The following GPR176 variants were observed in gnomAD, a reference collection of about 807,000 sequenced individuals.
The protein encoded by GPR176 is G-protein coupled receptor 176.
Under a neutral mutation model 35.4 loss-of-function variants are expected in GPR176, and 26 were observed. The ratio of observed to expected loss-of-function variants is 0.74; its 90% CI spans 0.54 to 1.02. The LOEUF (loss-of-function observed/expected upper bound fraction) is 1.02, where lower values mean the gene tolerates loss of function less well. Among genes scored for constraint, GPR176 ranks in the 50% least tolerant of loss-of-function variants. The pLI is 0.00. For missense variants in GPR176, 597 were observed against 665.3 expected, an observed-to-expected ratio of 0.90 and a Z score of 1.13; for synonymous variants, 278 against 271.3, an observed-to-expected ratio of 1.02 and a Z score of -0.24.
At chr15:39,881,560 T>C (rs28547041) in intron 1 of GPR176, among the ~76,000 whole-genome samples, 1,541 of 152,334 alleles carry the variant, frequency 0.01, 27 homozygotes, top group African/African-American at 0.036. Context: ...ATGTTCTTAA[T>C]AATCATCACA....
intron 1 of GPR176, among the ~76,000 whole-genome samples, chr15:39,852,681 T>C (rs1389888466): frequency 6.6e-6 from 1 of 152,202 alleles, no homozygotes; most frequent in Non-Finnish European, 1.5e-5. Flanking sequence ...CATTTTTAAG[T>C]GTCAGATTTT....
intron 1 of GPR176, chr15:39,860,837 G>A (rs1401148831): frequency 1.3e-5 from 2 of 152,172 alleles, no homozygotes; most frequent in Non-Finnish European, 2.9e-5. Context: ...TGAAACGTAA[G>A]TTCCATTCTC....
At position 39,908,603 on chromosome 15, in the gene GPR176, A is replaced by C. The variant is rs1295047306; in HGVS notation, c.172+11252T>G. ...TGTAATTGGAAAACACAAGGGGTAGAATTAGGCTCAGGCCCTCCAGGGATA... is the reference window on the plus strand; with the variant it reads ...TGTAATTGGAAAACACAAGGGGTAGCATTAGGCTCAGGCCCTCCAGGGATA... On this transcript the variant is annotated intron_variant, in intron 1 of 2. Transcript: ENST00000561100. Among the ~76,000 whole-genome samples, 3 of 151,102 alleles carry C rather than the reference A, an allele frequency of 2.0e-5. No homozygotes were observed. The East Asian group carries it at 5.8e-4, about 29-fold the overall frequency.
Position 39,847,355 on chromosome 15 carries a change from T to C in GPR176, c.173-40097A>G, listed in dbSNP as rs1377530343. Among the ~76,000 whole-genome samples, 4 of 152,120 alleles carry C rather than the reference T, an allele frequency of 2.6e-5. No individual in the cohort carries two copies. In the East Asian group the frequency reaches 7.7e-4, roughly 29 times the overall value. ...TAACAGAGGGGATCAAGAAATGTGA[T>C]CCAACTACACGCTATCTCCAAGAGA... On this transcript the variant is annotated intron_variant, in intron 1 of 2. Coordinates refer to ENST00000561100, the MANE Select transcript of GPR176 (RefSeq NM_007223.3).
Position 39,801,266 on chromosome 15 carries a change from T to G in GPR176, c.1414A>C (p.Lys472Gln). ...CCCAAGGGGGGAAGCAGCCGCTTCT[T>G]GCTGTTTCGGGTCTCTGAGAGCCAC... Reference protein sequence around the residue: ...PQWLSETRNSKKRLLPPLGNT... With the variant: ...PQWLSETRNSQKRLLPPLGNT... Residue 472 changes from lysine (K) to glutamine (Q), a missense_variant, in exon 3 of 3, where the codon AAG becomes CAG. By Grantham distance (53) the Lys-to-Gln change is moderately conservative. Transcript: ENST00000561100. 6.2e-7 allele frequency: 1 copy of G among 1,614,150 alleles called. No individual in the cohort carries two copies. Among genetic ancestry groups the G allele is most frequent in the Non-Finnish European group, 8.5e-7 (1 of 1,179,982 alleles).
intron 1 of GPR176, among the ~76,000 whole-genome samples, chr15:39,835,174 T>C (rs779754182): frequency 2.0e-5 from 3 of 151,988 alleles, no homozygotes; most frequent in East Asian, 1.9e-4. Flanking sequence ...TGTGCCACCA[T>C]GCCCGGTTAA....
chr15:39,887,548 T>C (rs1566962982), intron 1 of GPR176, among the ~76,000 whole-genome samples: 1 of 147,778 alleles, frequency 6.8e-6, no homozygotes, highest in East Asian at 2.0e-4. Context: ...CTCTGCAGAA[T>C]CATGCAAACC....
chr15:39,848,909 G>A (rs1161895244), intron 1 of GPR176, among the ~76,000 whole-genome samples: 8 of 102,672 alleles, frequency 7.8e-5, no homozygotes, highest in Non-Finnish European at 1.2e-4. Context: ...CCTAAAAAAA[G>A]CAAAGTAAAA....
intron 1 of GPR176, among the ~76,000 whole-genome samples, chr15:39,904,196 A>G (rs902853830): frequency 6.6e-6 from 1 of 152,036 alleles, no homozygotes; most frequent in Non-Finnish European, 1.5e-5. Context: ...CAAGGTCTTT[A>G]TGACCTGTAT....
chr15:39,919,316 C>T (rs1424511202), intron 1 of GPR176, among the ~76,000 whole-genome samples: 1 of 152,008 alleles, frequency 6.6e-6, no homozygotes. Flanking sequence ...AGGCGACATA[C>T]AGTTTAACTT....
At chr15:39,852,057 G>C (rs1399781440) in intron 1 of GPR176, among the ~76,000 whole-genome samples, 1 of 152,132 alleles carries the variant, frequency 6.6e-6, no homozygotes, top group African/African-American at 2.4e-5. Flanking sequence ...CTGAAGGAAA[G>C]GTCCTACATA....
In GPR176 at chr15:39,848,533, G is replaced by A. The variant is rs532182752; in HGVS notation, c.173-41275C>T. ...ATACATTATTTTCAAATGCCCACAA[G>A]ATATATATCAAGATAAAGTATATCT... is the stretch of plus-strand genomic sequence containing the variant. On this transcript the variant is annotated intron_variant, in intron 1 of 2. Transcript: ENST00000561100. Among the ~76,000 whole-genome samples the A allele has an allele frequency of 1.6e-3, 237 of 152,040 alleles. 1 individual carries two copies. Among genetic ancestry groups the A allele is most frequent in the Non-Finnish European group, 2.4e-3 (163 of 67,982 alleles).
chr15:39,828,135 T>C (rs560129100), intron 1 of GPR176, among the ~76,000 whole-genome samples: 9 of 152,342 alleles, frequency 5.9e-5, no homozygotes, highest in African/African-American at 2.2e-4. Flanking sequence ...TTTCTAAAAG[T>C]CTGTTGTTAA....
At chr15:39,823,388 AT>A (rs918641329) in intron 1 of GPR176, among the ~76,000 whole-genome samples, 2 of 152,126 alleles carry the variant, frequency 1.3e-5, no homozygotes, top group African/African-American at 4.8e-5. Context: ...TGATACCTCC[AT>A]CCCCCTGGTT....
intron 1 of GPR176, among the ~76,000 whole-genome samples, chr15:39,835,019 T>A (rs1232386368): frequency 6.6e-6 from 1 of 152,112 alleles, no homozygotes. Context: ...TATCAAAATA[T>A]CTTTTTTTTT....
At chr15:39,901,773 A>G (rs1566967938) in intron 1 of GPR176, among the ~76,000 whole-genome samples, 1 of 152,124 alleles carries the variant, frequency 6.6e-6, no homozygotes, top group Non-Finnish European at 1.5e-5. Flanking sequence ...TAGCATGTTC[A>G]TTAAAAATAT....
At chr15:39,862,377 T>C (rs938373804) in intron 1 of GPR176, 3 of 152,222 alleles carry the variant, frequency 2.0e-5, no homozygotes, top group Non-Finnish European at 4.4e-5. Flanking sequence ...GCAGGCTTTT[T>C]GATGCATTTG....
At position 39,828,428 on chromosome 15, in the gene GPR176, G is replaced by A. The variant is rs547870026; in HGVS notation, c.173-21170C>T. 1.2e-4 allele frequency among the ~76,000 whole-genome samples: 18 copies of A among 152,326 alleles called. No homozygotes were observed. In the South Asian group the frequency reaches 3.3e-3, roughly 28 times the overall value. On this transcript the variant is annotated intron_variant, in intron 1 of 2. Coordinates refer to ENST00000561100, the MANE Select transcript of GPR176 (RefSeq NM_007223.3). The stretch of plus-strand genomic sequence containing the variant: ...GGCACATACATTGACTGCTGCCTGA[G>A]GCCAGTGCTACTTAGGATGCTGCTC...
intron 1 of GPR176, among the ~76,000 whole-genome samples, chr15:39,884,251 T>G (rs1399793498): frequency 6.6e-6 from 1 of 152,248 alleles, no homozygotes; most frequent in Non-Finnish European, 1.5e-5. Context: ...TGTTAGGCAC[T>G]GCCTTACGTG....
Sources: gnomAD v4.1 joint callset for allele counts (sites outside exome capture counted in the v4.1 genomes callset) on GRCh38, gnomAD v4.1.1 for gene constraint, MANE v1.5 for transcripts, NCBI Gene and HGNC (gene_info 2026-07-23, HGNC 2026-07-21) for gene names.